The following TUSC3 variants were observed in gnomAD, a reference collection of about 807,000 sequenced individuals.
TUSC3 encodes the protein tumor suppressor candidate 3, also known as dolichyl-diphosphooligosaccharide--protein glycosyltransferase subunit TUSC3.
TUSC3 carries 45 observed loss-of-function variants against 44.8 expected under a neutral mutation model. The observed-to-expected ratio is 1.00, with a 90% CI of 0.79 to 1.29. TUSC3 has a LOEUF of 1.29. Among genes scored for constraint, TUSC3 ranks in the 50% most tolerant of loss-of-function variants. The pLI, the probability that TUSC3 is intolerant of heterozygous loss-of-function variation, is 0.00. For missense variants in TUSC3, 519 were observed against 437.9 expected (o/e 1.19, Z -1.65); for synonymous variants, 212 against 152.9 (o/e 1.39, Z -2.85).
chr8:15,457,920 A>G (rs531414235), intron 1 of TUSC3, among the ~76,000 whole-genome samples: 3 of 150,474 alleles, frequency 2.0e-5, no homozygotes, highest in East Asian at 3.9e-4. Flanking sequence ...TTGAATAATA[A>G]TTAGTACTCC....
intron 2 of TUSC3, among the ~76,000 whole-genome samples, chr8:15,649,219 C>A (rs895798440): frequency 6.6e-6 from 1 of 151,184 alleles, no homozygotes; most frequent in Non-Finnish European, 1.5e-5. Flanking sequence ...TGTTTTTTTT[C>A]GTTGCGGTGG....
chr8:15,792,223 A>G, the TUSC3 span, among the ~76,000 whole-genome samples: 2 of 152,208 alleles, frequency 1.3e-5, no homozygotes, highest in African/African-American at 4.8e-5. Context: ...AATGTTTTAA[A>G]ACTTAACAGT....
At chr8:15,590,540 T>A (rs1213786766) in intron 1 of TUSC3, among the ~76,000 whole-genome samples, 1 of 152,124 alleles carries the variant, frequency 6.6e-6, no homozygotes, top group Admixed American at 6.5e-5. Flanking sequence ...TTATTTACTA[T>A]TTTTAGAGGT....
chr8:15,722,548 C>G (rs1585267697), intron 6 of TUSC3, among the ~76,000 whole-genome samples: 2 of 152,148 alleles, frequency 1.3e-5, no homozygotes, highest in Middle Eastern at 6.8e-3. Flanking sequence ...TCTAGAGACT[C>G]TCTGAGAATA....
chr8:15,836,506 G>T, the TUSC3 span, among the ~76,000 whole-genome samples: 1 of 151,370 alleles, frequency 6.6e-6, no homozygotes, highest in Admixed American at 6.6e-5. Flanking sequence ...ATATAAGATT[G>T]GTACTAGACA....
intron 1 of TUSC3, among the ~76,000 whole-genome samples, chr8:15,446,932 G>C (rs563922458): frequency 4.0e-4 from 61 of 150,918 alleles, no homozygotes; most frequent in Non-Finnish European, 5.9e-4. Context: ...AATTAATACA[G>C]ACTTAAAAAT....
intron 6 of TUSC3, 131 bp downstream of exon 6, chr8:15,673,967 C>G (rs1808071435): frequency 4.0e-6 from 3 of 747,406 alleles, no homozygotes; most frequent in South Asian, 3.5e-5. Context: ...TTCTCATTTA[C>G]TACCTGTGTC....
At chr8:15,438,049 C>G (rs953162502) in intron 1 of TUSC3, among the ~76,000 whole-genome samples, 2 of 152,148 alleles carry the variant, frequency 1.3e-5, no homozygotes, top group Non-Finnish European at 2.9e-5. Flanking sequence ...AGTTTCCTCA[C>G]CTGTGAAATG....
the TUSC3 span, among the ~76,000 whole-genome samples, chr8:15,805,974 A>G: frequency 6.6e-6 from 1 of 152,294 alleles, no homozygotes; most frequent in East Asian, 1.9e-4. Context: ...TTACAAAAAC[A>G]AAAAATCAGT....
At chr8:15,554,587 G>A (rs28463937) in intron 1 of TUSC3, among the ~76,000 whole-genome samples, 27,234 of 146,428 alleles carry the variant, frequency 0.19, 2,931 homozygotes, top group South Asian at 0.25. Flanking sequence ...GTTGACTTTT[G>A]CATTTTACTA....
chr8:15,671,348 A>G (rs1170449826), intron 5 of TUSC3, among the ~76,000 whole-genome samples: 1 of 152,104 alleles, frequency 6.6e-6, no homozygotes, highest in South Asian at 2.1e-4. Context: ...AGTCAAATTG[A>G]TTGCAAAATT....
intron 6 of TUSC3, among the ~76,000 whole-genome samples, chr8:15,708,373 G>C (rs1809706704): frequency 6.6e-6 from 1 of 151,904 alleles, no homozygotes; most frequent in African/African-American, 2.4e-5. Flanking sequence ...GGTACCAGAA[G>C]CCTGTAAACC....
chr8:15,618,728 A>G (rs1014196010), intron 1 of TUSC3, among the ~76,000 whole-genome samples: 2 of 152,224 alleles, frequency 1.3e-5, no homozygotes, highest in Non-Finnish European at 2.9e-5. Context: ...GTTTATCGTT[A>G]TCAAGTATTA....
chr8:15,602,110 G>A (rs1255891882), intron 1 of TUSC3, among the ~76,000 whole-genome samples: 6 of 151,500 alleles, frequency 4.0e-5, no homozygotes, highest in African/African-American at 1.2e-4. Context: ...GATTTCAGAT[G>A]TTAAGAATAA....
At chr8:15,694,790 T>C (rs1437728149) in intron 6 of TUSC3, among the ~76,000 whole-genome samples, 1 of 152,122 alleles carries the variant, frequency 6.6e-6, no homozygotes, top group African/African-American at 2.4e-5. Flanking sequence ...CCCTCCTGAT[T>C]ACTGGAGGGG....
chr8:15,749,601 G>C (rs559406592), intron 9 of TUSC3, among the ~76,000 whole-genome samples: 1 of 151,940 alleles, frequency 6.6e-6, no homozygotes, highest in South Asian at 2.1e-4. Context: ...AGGGCAGCAA[G>C]GGTTATGAGA....
intron 2 of TUSC3, among the ~76,000 whole-genome samples, chr8:15,490,040 C>T (rs1251917041): frequency 1.3e-5 from 2 of 152,128 alleles, no homozygotes; most frequent in Non-Finnish European, 2.9e-5. Flanking sequence ...AGCAGTGAGG[C>T]TTTAATCAAG....
chr8:15,562,927 A>G (rs558222720), intron 1 of TUSC3, among the ~76,000 whole-genome samples: 17 of 152,274 alleles, frequency 1.1e-4, no homozygotes, highest in African/African-American at 4.1e-4. Context: ...ATGTTTGCAA[A>G]TATTTGCCAT....
chr8:15,527,631 C>T (rs887933544), intron 2 of TUSC3, among the ~76,000 whole-genome samples: 1 of 152,108 alleles, frequency 6.6e-6, no homozygotes, highest in Non-Finnish European at 1.5e-5. Context: ...TCTGAAATGC[C>T]TGGCCTCAAG....
Sources: allele counts gnomAD v4.1 joint callset (sites outside exome capture counted in the v4.1 genomes callset), GRCh38; gene constraint gnomAD v4.1.1; transcripts MANE v1.5; gene names NCBI Gene and HGNC (gene_info 2026-07-23, HGNC 2026-07-21).